RGL2: variants seen among roughly 807,000 people sequenced by gnomAD.
RGL2 encodes ral guanine nucleotide dissociation stimulator-like 2.
In RGL2, 40 loss-of-function variants were observed where a neutral mutation model predicts 84.6. The observed-to-expected ratio is 0.47, with a 90% CI of 0.37 to 0.62. RGL2 has a LOEUF of 0.62. RGL2 is among the 20% of genes least tolerant of loss of function. The pLI is 0.00. For missense variants in RGL2, 865 were observed against 1,019.7 expected (o/e 0.85, Z 2.07); for synonymous variants, 369 against 417.3 (o/e 0.88, Z 1.41).
At position 33,296,766 on chromosome 6, in the gene RGL2, G is replaced by A; in HGVS notation, c.251C>T (p.Pro84Leu). 5.6e-6 allele frequency: 9 copies of A among 1,614,038 alleles called. No homozygotes were observed. Among genetic ancestry groups the A allele is most frequent in the Non-Finnish European group, 7.6e-6 (9 of 1,180,032 alleles). ...YRPLDPLVPM[P>L]PPRSSRRLRA... ...GAGCCGTCGGGAGGAACGTGGGGGA[G>A]GCATAGGGACCTGGAGAACACAGAG... Residue 84 changes from proline (P) to leucine (L), a missense_variant, in exon 4 of 18, where the codon CCT becomes CTT. Around this residue, in one of 5 missense-constraint regions of RGL2, gnomAD observed 455 missense variants for 507.8 expected, o/e 0.90. Coordinates refer to ENST00000497454, the MANE Select transcript of RGL2 (RefSeq NM_004761.5). The surrounding 1 kb of genome is among the most constrained non-coding windows in gnomAD (Gnocchi z 5.0).
Position 33,291,965 on chromosome 6 carries a change from TG to T in RGL2, c.*136del. On this transcript the variant is annotated 3_prime_UTR_variant, in exon 18 of 18. Coordinates refer to ENST00000497454, the MANE Select transcript of RGL2 (RefSeq NM_004761.5). The stretch of plus-strand genomic sequence containing the variant: ...ATTTCTCAGCTGTCTGGTAAACCAG[TG>T]GCACTTCACTGCCCCAGGGTGGCTG... 1.1e-6 allele frequency: 1 copy of T among 882,302 alleles called. No homozygotes were observed. The highest frequency in any genetic ancestry group is 1.8e-6 in the Non-Finnish European group (1 of 564,260). 54.7% of individuals were successfully genotyped at this position (882,302 alleles called of 1,614,324 possible). A position where few individuals can be genotyped will look rare whatever the true frequency, so the allele number is the denominator to read the frequency against.
At position 33,291,768 on chromosome 6, in the gene RGL2, C is replaced by A; in HGVS notation, c.*334G>T. ...CTACATTTTGCCATTCCCCTCTGCCCTGGGGCTCAGAGCCTTGAAGCCTTT... is the reference window on the plus strand; with the variant it reads ...CTACATTTTGCCATTCCCCTCTGCCATGGGGCTCAGAGCCTTGAAGCCTTT... On this transcript the variant is annotated 3_prime_UTR_variant, in exon 18 of 18. Coordinates refer to ENST00000497454, the MANE Select transcript of RGL2 (RefSeq NM_004761.5). The A allele has an allele frequency of 2.0e-6, 1 of 502,006 alleles. No homozygotes were observed. The allele number at this position is 502,006 out of a possible 1,614,324, so 31.1% of individuals were successfully genotyped here.
chr6:33,299,361 A>AC (rs969308086), upstream of RGL2: 1 of 151,880 alleles, frequency 6.6e-6, no homozygotes, highest in Non-Finnish European at 1.5e-5. This position sits in a 1 kb window ranked among gnomAD's most constrained non-coding sequence, Gnocchi z 5.0. Flanking sequence ...CCCTACCACA[A>AC]CCCACGAATG....
chr6:33,298,847 G>A lies in RGL2; in HGVS notation c.-42+23C>T, dbSNP rs1021838794. 10 of 410,382 alleles carry A rather than the reference G, an allele frequency of 2.4e-5. No individual in the cohort carries two copies. The highest frequency in any genetic ancestry group is 1.7e-4 in the African/African-American group (8 of 47,794). The allele number at this position is 410,382 out of a possible 1,614,324, so 25.4% of individuals were successfully genotyped here. On this transcript the variant is annotated intron_variant, in intron 1 of 17. Transcript: ENST00000497454. This position sits in a 1 kb window ranked among gnomAD's most constrained non-coding sequence, Gnocchi z 4.8. ...AGGAGGAGGTCACGAGTACGGGGAC[G>A]CGCAGGGTGCTCAGGCTCTGACCTG...
At position 33,295,487 on chromosome 6, in the gene RGL2, T is replaced by C; in HGVS notation, c.1020+21A>G. On this transcript the variant is annotated intron_variant, in intron 7 of 17. Coordinates refer to ENST00000497454, the MANE Select transcript of RGL2 (RefSeq NM_004761.5). The surrounding 1 kb of genome is among the most constrained non-coding windows in gnomAD (Gnocchi z 7.2). ...CTCTCCATTCCATGGCCACAAACCG[T>C]AGGGCAATCTTCTCTCTCACCTCTG... The C allele has an allele frequency of 1.2e-6, 2 of 1,613,196 alleles. No homozygotes were observed. The highest frequency in any genetic ancestry group is 2.2e-5 in the South Asian group (2 of 91,054).
rs779842951 is a variant in RGL2, at chr6:33,296,010, C to G, written c.768+18G>C. On this transcript the variant is annotated intron_variant, in intron 6 of 17. Coordinates refer to ENST00000497454, the MANE Select transcript of RGL2 (RefSeq NM_004761.5). This position sits in a 1 kb window ranked among gnomAD's most constrained non-coding sequence, Gnocchi z 5.0. ...GTAAGGGGTCAGGGGGCATAGGGGC[C>G]AGAGGTCAGGGTCTCACCGCATCTA... 1 of 1,613,408 alleles carries G rather than the reference C, an allele frequency of 6.2e-7. No homozygotes were observed. The highest frequency in any genetic ancestry group is 8.5e-7 in the Non-Finnish European group (1 of 1,179,814).
Position 33,295,715 on chromosome 6 carries a change from C to G in RGL2, c.813G>C (p.Leu271=). Residue 271 remains leucine (L), a synonymous_variant, in exon 7 of 18, where the codon CTG becomes CTC. Coordinates refer to ENST00000497454, the MANE Select transcript of RGL2 (RefSeq NM_004761.5). The surrounding 1 kb of genome is among the most constrained non-coding windows in gnomAD (Gnocchi z 7.2). ...NLIPSQCLGG[L]WGHRDRPGHS... is the part of the protein sequence containing the mutation. ...GTCCTGGCCGGTCTCTGTGACCCCA[C>G]AGGCCTCCCAGGCACTGAGAGGGGA... The G allele has an allele frequency of 6.2e-7, 1 of 1,613,836 alleles. No homozygotes were observed. The highest frequency in any genetic ancestry group is 8.5e-7 in the Non-Finnish European group (1 of 1,180,036).
rs775911924 is a variant in RGL2, at chr6:33,298,567, G to C, written c.44C>G (p.Pro15Arg). 6.8e-7 allele frequency: 1 copy of C among 1,471,780 alleles called. No homozygotes were observed. The allele number at this position is 1,471,780 out of a possible 1,614,324, so 91.2% of individuals were successfully genotyped here. ...GAAGCTGCTCAGTACGACTCCCCCG[G>C]GGGGGCTCGTGTCCAAAAGCAGCCG... ...PLRLLLDTSP[P>R]GGVVLSSFRS... The change falls in exon 2 of 18, where the codon CCC becomes CGC. Residue 15 changes from proline to arginine, a missense_variant. By Grantham distance (103) the Pro-to-Arg change is moderately radical. Around this residue, in one of 5 missense-constraint regions of RGL2, gnomAD observed 23 missense variants for 22.7 expected, o/e 1.01. Transcript: ENST00000497454. This position sits in a 1 kb window ranked among gnomAD's most constrained non-coding sequence, Gnocchi z 4.8.
rs184169386 is a variant in RGL2, at chr6:33,295,132, C to T, written c.1204G>A (p.Val402Met). Residue 402 changes from valine (V) to methionine (M), a missense_variant, in exon 9 of 18, where the codon GTG (valine) becomes ATG (methionine). Coordinates refer to ENST00000497454, the MANE Select transcript of RGL2 (RefSeq NM_004761.5). The surrounding 1 kb of genome is among the most constrained non-coding windows in gnomAD (Gnocchi z 7.2). ...DNYSQSRELL[V>M]QEVKLQSPLE... ...GCCACAAACCAGGCTCTCACCTGCA[C>T]GAGCAGCTCCCGACTCTGGGAATAA... 26 of 1,606,992 alleles carry T rather than the reference C, an allele frequency of 1.6e-5. No homozygotes were observed. Among genetic ancestry groups the T allele is most frequent in the African/African-American group, 9.3e-5 (7 of 74,942 alleles).
chr6:33,299,406 G>T (rs956711192), upstream of RGL2: 2 of 152,112 alleles, frequency 1.3e-5, no homozygotes, highest in East Asian at 3.9e-4. The surrounding 1 kb of genome is among the most constrained non-coding windows in gnomAD (Gnocchi z 5.0). Flanking sequence ...TTTTCCGAAG[G>T]GCCCTCGATT....
Position 33,296,036 on chromosome 6 carries a change from G to T in RGL2, c.760C>A (p.Leu254Ile). 1.9e-6 allele frequency: 3 copies of T among 1,614,062 alleles called. No homozygotes were observed. Among genetic ancestry groups the T allele is most frequent in the Non-Finnish European group, 2.5e-6 (3 of 1,180,012 alleles). Residue 254 changes from leucine to isoleucine, a missense_variant, in exon 6 of 18, where the codon CTA becomes ATA. Leu to Ile is a conservative substitution (Grantham distance 5). This residue lies in a region of RGL2 where 455 missense variants were observed against 507.8 expected (regional missense o/e 0.90). Coordinates refer to ENST00000497454, the MANE Select transcript of RGL2 (RefSeq NM_004761.5). The surrounding 1 kb of genome is among the most constrained non-coding windows in gnomAD (Gnocchi z 5.0). ...AGAGGTCAGGGTCTCACCGCATCTA[G>T]CAGGGTCAGCTGTTCGGCCAAGTGG... ...ADHLAEQLTL[L>I]DAELFLNLIP...
rs1323798252 is a variant in RGL2 at position 33,293,983 on chromosome 6, C to T, written c.1386+51G>A. On this transcript the variant is annotated intron_variant, in intron 12 of 17. Coordinates refer to ENST00000497454, the MANE Select transcript of RGL2 (RefSeq NM_004761.5). This position sits in a 1 kb window ranked among gnomAD's most constrained non-coding sequence, Gnocchi z 7.0. ...ACCCCTGACTTTTCCCCCTCCCCTT[C>T]CTGGAACATGGATAGGGAAGTCCAG... The T allele has an allele frequency of 8.7e-6, 14 of 1,613,972 alleles. No individual in the cohort carries two copies. Among genetic ancestry groups the T allele is most frequent in the African/African-American group, 1.3e-5 (1 of 74,900 alleles).
Position 33,294,690 on chromosome 6 carries a change from C to G in RGL2, c.1351G>C (p.Glu451Gln), listed in dbSNP as rs1324641339. The change falls in exon 11 of 18, where the codon GAG (glutamate) becomes CAG (glutamine). Residue 451 changes from glutamate to glutamine, a missense_variant and splice_region_variant. By Grantham distance (29) the Glu-to-Gln change is conservative. Transcript: ENST00000497454. This position sits in a 1 kb window ranked among gnomAD's most constrained non-coding sequence, Gnocchi z 5.0. ...MLDAASKDEL[E>Q]NGYINFDKRR... is the part of the protein sequence containing the mutation. The stretch of plus-strand genomic sequence containing the variant: ...TGACACACACACACACCACTGACCT[C>G]CAACTCATCCTTGGAGGCTGCATCC... 2 of 1,613,930 alleles carry G rather than the reference C, an allele frequency of 1.2e-6. No homozygotes were observed. The highest frequency in any genetic ancestry group is 4.5e-5 in the East Asian group (2 of 44,888).
In RGL2 at chr6:33,297,708, T is replaced by TG. The variant is rs1473292871; in HGVS notation, c.157-594dup. 6.6e-6 allele frequency: 1 copy of TG among 152,420 alleles called. No homozygotes were observed. Among genetic ancestry groups the TG allele is most frequent in the Non-Finnish European group, 1.5e-5 (1 of 68,278 alleles). The allele number at this position is 152,420 out of a possible 1,614,324, so 9.4% of individuals were successfully genotyped here. On this transcript the variant is annotated intron_variant, in intron 2 of 17. Transcript: ENST00000497454. This position sits in a 1 kb window ranked among gnomAD's most constrained non-coding sequence, Gnocchi z 4.0. Reference sequence around the variant, plus strand: ...AAGGGGAAGTGGGATGATAGGGGGTTGGGGGCGGTAGACTCAGAGAGTCAC... The same window carrying TG: ...AAGGGGAAGTGGGATGATAGGGGGTTGGGGGGCGGTAGACTCAGAGAGTCAC...
In RGL2 at chr6:33,293,015, C is replaced by G; in HGVS notation, c.2007+1G>C. 6.2e-7 allele frequency: 1 copy of G among 1,614,128 alleles called. No homozygotes were observed. Among genetic ancestry groups the G allele is most frequent in the Non-Finnish European group, 8.5e-7 (1 of 1,180,028 alleles). On this transcript the variant is annotated splice_donor_variant, in intron 16 of 17. Coordinates refer to ENST00000497454, the MANE Select transcript of RGL2 (RefSeq NM_004761.5). LOFTEE classifies it high-confidence loss of function. The surrounding 1 kb of genome is among the most constrained non-coding windows in gnomAD (Gnocchi z 7.0). ...CCAACTCCATCCCAAGGCTCCCTCA[C>G]CAAAATGCTCTTATAGACACTGCCA...
rs891770921 is a variant in RGL2, at chr6:33,292,345, C to G, written c.2123-32G>C. ...GTTCAGGGGATGGATGTAAAGCACA[C>G]ACACAGTTGTTCCCCCCACAGCCGC... On this transcript the variant is annotated intron_variant, in intron 17 of 17. Coordinates refer to ENST00000497454, the MANE Select transcript of RGL2 (RefSeq NM_004761.5). 6 of 1,610,140 alleles carry G rather than the reference C, an allele frequency of 3.7e-6. No homozygotes were observed. The Admixed American group carries it at 8.3e-5, about 22-fold the overall frequency.
chr6:33,292,628 A>T, intron 16 of RGL2, 84 bp from the exon 17 acceptor site: 2 of 1,125,126 alleles, frequency 1.8e-6, no homozygotes, highest in South Asian at 2.5e-5. Flanking sequence ...CCAACCACAA[A>T]ATGTTACTTG....
Position 33,291,968 on chromosome 6 carries a change from C to A in RGL2, c.*134G>T. The A allele has an allele frequency of 1.1e-6, 1 of 910,128 alleles. No homozygotes were observed. The highest frequency in any genetic ancestry group is 1.6e-5 in the South Asian group (1 of 63,398). 56.4% of individuals were successfully genotyped at this position (910,128 alleles called of 1,614,324 possible). ...TCTCAGCTGTCTGGTAAACCAGTGG[C>A]ACTTCACTGCCCCAGGGTGGCTGGC... On this transcript the variant is annotated 3_prime_UTR_variant, in exon 18 of 18. Transcript: ENST00000497454.
chr6:33,294,917 C>T lies in RGL2; in HGVS notation c.1278+60G>A. ...CATCCTTCAGGCTGCTCCCCCAAAA[C>T]ATACTCCTCACCCCTTCATAATCAC... is the stretch of plus-strand genomic sequence containing the variant. On this transcript the variant is annotated intron_variant, in intron 10 of 17. Transcript: ENST00000497454. The surrounding 1 kb of genome is among the most constrained non-coding windows in gnomAD (Gnocchi z 5.0). 6.5e-7 allele frequency: 1 copy of T among 1,533,418 alleles called. No homozygotes were observed. Among genetic ancestry groups the T allele is most frequent in the Non-Finnish European group, 8.8e-7 (1 of 1,132,824 alleles). The allele number at this position is 1,533,418 out of a possible 1,614,324, so 95.0% of individuals were successfully genotyped here.
Sources: gnomAD v4.1 joint callset for allele counts on GRCh38, gnomAD v4.1.1 for gene constraint, gnomAD v4.1.1 regional missense constraint, Gnocchi (gnomAD v3.1) non-coding constraint, MANE v1.5 for transcripts, NCBI Gene and HGNC (gene_info 2026-07-23, HGNC 2026-07-21) for gene names.